Variants in KIF6 observed in about 807,000 individuals in gnomAD.
KIF6 encodes kinesin family member 6.
A neutral mutation model predicts 112.7 loss-of-function variants in KIF6; 106 were observed. That is an observed-to-expected ratio of 0.94 (90% confidence interval 0.80 to 1.11). The LOEUF is 1.11. Among genes scored for constraint, KIF6 ranks in the 50% least tolerant of loss-of-function variants. The probability of loss-of-function intolerance (pLI) is 0.00; values close to 1 mark genes in which losing one functional copy is unlikely to be tolerated. For synonymous variants in KIF6, 339 were observed against 339.9 expected, an observed-to-expected ratio of 1.00 and a Z score of 0.03; for missense variants, 929 against 964.0, an observed-to-expected ratio of 0.96 and a Z score of 0.48.
At chr6:39,514,677 T>C (rs945950927) in intron 13 of KIF6, among the ~76,000 whole-genome samples, 8 of 152,216 alleles carry the variant, frequency 5.3e-5, no homozygotes, top group African/African-American at 1.9e-4. Flanking sequence ...AACAGTCATA[T>C]AGGGAAAAAA....
At chr6:39,337,209 TTCTTTC>T (rs1562102773) in intron 22 of KIF6, among the ~76,000 whole-genome samples, 5 of 112,644 alleles carry the variant, frequency 4.4e-5, no homozygotes, top group African/African-American at 1.6e-4. Context: ...CTTTCTTTCT[TTCTTTC>T]TTTCTTTCTT....
rs960097070 is a variant in KIF6, at chr6:39,366,612, T to C, written c.1862-4094A>G. ...GGGGACATTTGAGCAGTGACCTGAA[T>C]GGAGGAAGGGAACAGGCATGCAGAA... is the stretch of plus-strand genomic sequence containing the variant. On this transcript the variant is annotated intron_variant, in intron 16 of 22. Transcript: ENST00000287152. 3.9e-5 allele frequency among the ~76,000 whole-genome samples: 6 copies of C among 152,098 alleles called. No individual in the cohort carries two copies. In the South Asian group the frequency reaches 6.2e-4, roughly 16 times the overall value.
intron 13 of KIF6, among the ~76,000 whole-genome samples, chr6:39,501,216 C>G (rs140802632): frequency 7.8e-4 from 119 of 152,240 alleles, no homozygotes; most frequent in African/African-American, 2.8e-3. Context: ...GGGTCTAGAG[C>G]AGACTCCCAG....
intron 9 of KIF6, among the ~76,000 whole-genome samples, chr6:39,584,459 A>AAAAAAATAC (rs1561836472): frequency 7.8e-6 from 1 of 128,594 alleles, no homozygotes; most frequent in Non-Finnish European, 1.7e-5. Flanking sequence ...AAAAAAAAAA[A>AAAAAAATAC]AGACTATTAT....
At chr6:39,431,323 A>C in intron 13 of KIF6, 162 bp from the exon 14 acceptor site, 1 of 585,864 alleles carries the variant, frequency 1.7e-6, no homozygotes, top group South Asian at 2.1e-5. Context: ...GCTGGCTGAC[A>C]ACCTGCTGAG....
intron 1 of KIF6, among the ~76,000 whole-genome samples, chr6:39,724,533 T>C (rs1582540440): frequency 6.6e-6 from 1 of 152,052 alleles, no homozygotes; most frequent in African/African-American, 2.4e-5. Context: ...TCTTTATACC[T>C]TTCTGAATTT....
chr6:39,501,560 T>C (rs1045342709), intron 13 of KIF6, among the ~76,000 whole-genome samples: 1 of 152,082 alleles, frequency 6.6e-6, no homozygotes. Context: ...TGTAGTCCAA[T>C]GCAAAGACAC....
intron 13 of KIF6, among the ~76,000 whole-genome samples, chr6:39,519,988 C>T (rs1777297835): frequency 6.6e-6 from 1 of 152,188 alleles, no homozygotes; most frequent in Non-Finnish European, 1.5e-5. Flanking sequence ...TGCCACTGCA[C>T]TCCAGCCTGG....
At chr6:39,631,701 T>A (rs1324562267) in intron 5 of KIF6, among the ~76,000 whole-genome samples, 3 of 148,078 alleles carry the variant, frequency 2.0e-5, no homozygotes, top group African/African-American at 7.6e-5. Flanking sequence ...GATATCAGTC[T>A]GTAGTTTTTT....
intron 11 of KIF6, among the ~76,000 whole-genome samples, chr6:39,545,078 G>A (rs2150570084): frequency 6.6e-6 from 1 of 152,184 alleles, no homozygotes; most frequent in Non-Finnish European, 1.5e-5. Flanking sequence ...TCCATGACTT[G>A]CTTATTAAAC....
intron 3 of KIF6, 35 bp downstream of exon 3, chr6:39,714,657 C>T (rs761301217): frequency 3.4e-6 from 5 of 1,488,912 alleles, no homozygotes; most frequent in Non-Finnish European, 3.7e-6. Flanking sequence ...CATGAAAAAC[C>T]ACGAGCCCAC....
chr6:39,366,955 G>T (rs543232917), intron 16 of KIF6, among the ~76,000 whole-genome samples: 6 of 152,062 alleles, frequency 3.9e-5, no homozygotes, highest in Non-Finnish European at 7.4e-5. Flanking sequence ...TAATGTGGAG[G>T]TGGCGCCAGG....
intron 15 of KIF6, among the ~76,000 whole-genome samples, chr6:39,403,115 T>C (rs909483738): frequency 6.6e-6 from 1 of 152,222 alleles, no homozygotes; most frequent in Non-Finnish European, 1.5e-5. Context: ...TTATAAAAGC[T>C]GAGGTGGGTT....
intron 13 of KIF6, among the ~76,000 whole-genome samples, chr6:39,446,742 G>A (rs951113674): frequency 9.9e-5 from 15 of 152,050 alleles, no homozygotes; most frequent in African/African-American, 2.7e-4. Context: ...CACCAGCCTC[G>A]GCCTCCCAAA....
chr6:39,537,134 C>A (rs1024570905), intron 13 of KIF6, among the ~76,000 whole-genome samples: 5 of 152,100 alleles, frequency 3.3e-5, no homozygotes, highest in African/African-American at 4.8e-5. Context: ...AAACTGGAAG[C>A]ATTCCCTTTG....
chr6:39,377,751 T>C (rs4714247), intron 16 of KIF6, among the ~76,000 whole-genome samples: 62,665 of 151,982 alleles, frequency 0.41, 14,882 homozygotes, highest in Non-Finnish European at 0.52. Flanking sequence ...CTCCAACCCG[T>C]AAGGCCCTTG....
chr6:39,645,441 G>A (rs1477660516), intron 3 of KIF6, among the ~76,000 whole-genome samples: 1 of 152,112 alleles, frequency 6.6e-6, no homozygotes, highest in South Asian at 2.1e-4. Context: ...ACTTCATTTT[G>A]TTTACCTCCG....
chr6:39,582,690 C>T (rs540620921), intron 9 of KIF6, among the ~76,000 whole-genome samples: 6 of 152,254 alleles, frequency 3.9e-5, no homozygotes, highest in African/African-American at 1.4e-4. Context: ...GCTGGGATTA[C>T]AGGCGTGAGC....
At chr6:39,634,793 T>C (rs982140471) in intron 5 of KIF6, 56 bp downstream of exon 5, 1 of 1,004,358 alleles carries the variant, frequency 1.0e-6, no homozygotes, top group Non-Finnish European at 1.6e-6. Context: ...AAGAAAACAA[T>C]TGAAGAGAAC....
Sources: allele counts gnomAD v4.1 joint callset (sites outside exome capture counted in the v4.1 genomes callset), GRCh38; gene constraint gnomAD v4.1.1; transcripts MANE v1.5; gene names NCBI Gene and HGNC (gene_info 2026-07-23, HGNC 2026-07-21).